Variants in DHRS2 observed in about 807,000 individuals in gnomAD.
DHRS2 encodes dehydrogenase/reductase SDR family member 2, mitochondrial.
Under a neutral mutation model 26.3 loss-of-function variants are expected in DHRS2, and 29 were observed. That is an observed-to-expected ratio of 1.10 (90% CI 0.82 to 1.50). DHRS2 has a LOEUF of 1.50. DHRS2 is among the 40% of genes most tolerant of loss of function. The pLI, the probability that DHRS2 is intolerant of heterozygous loss-of-function variation, is 0.00. For synonymous variants in DHRS2, 164 were observed against 151.3 expected, an observed-to-expected ratio of 1.08 and a Z score of -0.62; for missense variants, 439 against 367.1, an observed-to-expected ratio of 1.20 and a Z score of -1.60.
intron 5 of DHRS2, chr14:23,643,824 G>C (rs1046634918): frequency 5.1e-5 from 24 of 466,842 alleles, no homozygotes; most frequent in African/African-American, 4.5e-4. Flanking sequence ...TCTTCACAAA[G>C]CCCACCCTGC....
chr14:23,643,387 A>G (rs1342687986), intron 5 of DHRS2, 168 bp downstream of exon 5: 1 of 636,176 alleles, frequency 1.6e-6, no homozygotes, highest in Non-Finnish European at 2.7e-6. Flanking sequence ...GCCATTCCCA[A>G]TTCCAGTGGC....
chr14:23,630,940 T>C (rs1195973255), intron 1 of DHRS2, among the ~76,000 whole-genome samples: 4 of 150,578 alleles, frequency 2.7e-5, no homozygotes, highest in African/African-American at 1.0e-4. Flanking sequence ...GCCAAGGTTC[T>C]TGTTAACGTA....
chr14:23,639,712 GA>G, intron 3 of DHRS2, 81 bp from the exon 4 acceptor site: 1 of 1,416,706 alleles, frequency 7.1e-7, no homozygotes, highest in Non-Finnish European at 9.4e-7. Context: ...AGCTTTGCCT[GA>G]AGGCCTTATG....
intron 1 of DHRS2, among the ~76,000 whole-genome samples, chr14:23,637,739 T>C (rs959751420): frequency 6.6e-6 from 1 of 152,188 alleles, no homozygotes; most frequent in South Asian, 2.1e-4. Context: ...AGGTGGGGAC[T>C]TGGAGAACTT....
At chr14:23,638,136 G>A (rs1363253767) in intron 1 of DHRS2, 1 of 152,642 alleles carries the variant, frequency 6.6e-6, no homozygotes, top group Non-Finnish European at 1.5e-5. Flanking sequence ...CCCTCCAGAA[G>A]GAATGAACAA....
At chr14:23,644,317 C>G in intron 6 of DHRS2, 92 bp from the exon 7 acceptor site, 1 of 1,582,128 alleles carries the variant, frequency 6.3e-7, no homozygotes, top group Non-Finnish European at 8.7e-7. Flanking sequence ...GGGAGGGCTG[C>G]TGGGCCTGTG....
intron 6 of DHRS2, 43 bp from the exon 7 acceptor site, chr14:23,644,366 C>G: frequency 6.2e-7 from 1 of 1,610,610 alleles, no homozygotes; most frequent in Non-Finnish European, 8.5e-7. Context: ...ATGCTTTCCC[C>G]CACTCTCCCA....
At chr14:23,644,624 T>C in intron 7 of DHRS2, 81 bp downstream of exon 7, 1 of 1,603,108 alleles carries the variant, frequency 6.2e-7, no homozygotes, top group Non-Finnish European at 8.5e-7. Context: ...AAGGGGTGAC[T>C]GAATCCTTAG....
At chr14:23,637,308 T>C (rs1325459055) in intron 1 of DHRS2, among the ~76,000 whole-genome samples, 1 of 152,198 alleles carries the variant, frequency 6.6e-6, no homozygotes. Flanking sequence ...TTACCTTCTT[T>C]AGGCACCTGG....
rs376026036 is a variant in DHRS2, at chr14:23,645,237, A to G, written c.827A>G (p.Tyr276Cys). 7 of 1,613,682 alleles carry G rather than the reference A, an allele frequency of 4.3e-6. No homozygotes were observed. The highest frequency in any genetic ancestry group is 5.9e-6 in the Non-Finnish European group (7 of 1,179,948). Residue 276 changes from tyrosine (Y) to cysteine (C), a missense_variant, in exon 9 of 9, where the codon TAC (tyrosine) becomes TGC (cysteine). Transcript: ENST00000250383. ...VNGENIAVAG[Y>C]STRL ...GGGGAGAACATTGCGGTGGCAGGCT[A>G]CTCCACTCGGCTCTGAGAGGAGTGG... is the stretch of plus-strand genomic sequence containing the variant.
In DHRS2 at chr14:23,639,011, GC is replaced by G. The variant is rs1291151793; in HGVS notation, c.140+8del. ...TCACGGGGTCCACCAGTGGGTGAGTGCTGGATTGCCCATGGGTCCTGGCCCC... is the reference window on the plus strand; with the variant it reads ...TCACGGGGTCCACCAGTGGGTGAGTGTGGATTGCCCATGGGTCCTGGCCCC... On this transcript the variant is annotated splice_region_variant and intron_variant, in intron 2 of 8. Transcript: ENST00000250383. The G allele has an allele frequency of 3.7e-6, 6 of 1,612,396 alleles. No homozygotes were observed. The highest frequency in any genetic ancestry group is 5.1e-6 in the Non-Finnish European group (6 of 1,179,738).
At position 23,644,030 on chromosome 14, in the gene DHRS2, A is replaced by G. The variant is rs1324565713; in HGVS notation, c.489-81A>G. 12 of 1,400,068 alleles carry G rather than the reference A, an allele frequency of 8.6e-6. No homozygotes were observed. In the East Asian group the frequency reaches 2.7e-4, roughly 32 times the overall value. 86.7% of individuals were successfully genotyped at this position (1,400,068 alleles called of 1,614,324 possible). ...CCTGTGTTGCTTCTGTGAGGGTTGC[A>G]TCATTTAATGAACTCATGATAGTGT... is the stretch of plus-strand genomic sequence containing the variant. On this transcript the variant is annotated intron_variant, in intron 5 of 8. Coordinates refer to ENST00000250383, the MANE Select transcript of DHRS2 (RefSeq NM_005794.4).
At chr14:23,633,568 C>G (rs1890179974), upstream of DHRS2, among the ~76,000 whole-genome samples, 2 of 152,134 alleles carry the variant, frequency 1.3e-5, no homozygotes, top group Non-Finnish European at 2.9e-5. Flanking sequence ...ACTTTCCCAG[C>G]CTGATTAGCT....
rs760055074 is a variant in DHRS2 at position 23,644,412 on chromosome 14, CTGGG to C, written c.547_550del (p.Gly183SerfsTer27). ...ACTCTGTCAATTCCCTTCCCAGGCGCTGGGTGTCTACAATGTCAGCAAGACAGCG... is the reference window on the plus strand; with the variant it reads ...ACTCTGTCAATTCCCTTCCCAGGCGCTGTCTACAATGTCAGCAAGACAGCG... On this transcript the variant is annotated frameshift_variant, in exon 7 of 9. Coordinates refer to ENST00000250383, the MANE Select transcript of DHRS2 (RefSeq NM_005794.4). LOFTEE classifies it high-confidence loss of function. 7 of 1,614,148 alleles carry C rather than the reference CTGGG, an allele frequency of 4.3e-6. No homozygotes were observed. Among genetic ancestry groups the C allele is most frequent in the Non-Finnish European group, 5.9e-6 (7 of 1,180,046 alleles).
rs774489545 is a variant in DHRS2, at chr14:23,645,260, T to TG, written c.*12dup. The TG allele has an allele frequency of 6.2e-7, 1 of 1,612,742 alleles. No homozygotes were observed. The highest frequency in any genetic ancestry group is 8.5e-7 in the Non-Finnish European group (1 of 1,179,722). ...CTACTCCACTCGGCTCTGAGAGGAG[T>TG]GGGGGCGGCTGCGTAGCTGTGGTCC... On this transcript the variant is annotated 3_prime_UTR_variant, in exon 9 of 9. Coordinates refer to ENST00000250383, the MANE Select transcript of DHRS2 (RefSeq NM_005794.4).
At chr14:23,633,334 G>A (rs1890175124), upstream of DHRS2, among the ~76,000 whole-genome samples, 1 of 152,256 alleles carries the variant, frequency 6.6e-6, no homozygotes, top group South Asian at 2.1e-4. Flanking sequence ...GCTTCAATCA[G>A]CACCGGCCTG....
In DHRS2 at chr14:23,639,265, C is replaced by T; in HGVS notation, c.227C>T (p.Ala76Val). 6.2e-7 allele frequency: 1 copy of T among 1,612,204 alleles called. No individual in the cohort carries two copies. Among genetic ancestry groups the T allele is most frequent in the African/African-American group, 1.3e-5 (1 of 75,016 alleles). Residue 76 changes from alanine (A) to valine (V), a missense_variant, in exon 3 of 9, where the codon GCC (alanine) becomes GTC (valine). Physicochemically the swap from Ala to Val is moderately conservative, Grantham distance 64. Coordinates refer to ENST00000250383, the MANE Select transcript of DHRS2 (RefSeq NM_005794.4). ...SSRKQQNVDRAMAKLQGEGLS... is the reference protein window; with the variant it reads ...SSRKQQNVDRVMAKLQGEGLS... ...CGGAAGCAGCAGAACGTGGACCGGG[C>T]CATGGCCAAGCTGCAGGGGGAGGGG...
chr14:23,637,437 G>A (rs938651026), intron 1 of DHRS2, among the ~76,000 whole-genome samples: 1 of 152,150 alleles, frequency 6.6e-6, no homozygotes, highest in East Asian at 1.9e-4. Context: ...CTGAAGCTAG[G>A]ATAGGGGGAG....
intron 3 of DHRS2, 84 bp from the exon 4 acceptor site, chr14:23,639,710 C>G: frequency 7.1e-7 from 1 of 1,412,568 alleles, no homozygotes; most frequent in Non-Finnish European, 9.5e-7. Flanking sequence ...CAAGCTTTGC[C>G]TGAAGGCCTT....
Sources: gnomAD v4.1 joint callset for allele counts (sites outside exome capture counted in the v4.1 genomes callset) on GRCh38, gnomAD v4.1.1 for gene constraint, MANE v1.5 for transcripts, NCBI Gene and HGNC (gene_info 2026-07-23, HGNC 2026-07-21) for gene names.